The following NAV3 variants were observed in gnomAD, a reference collection of about 807,000 sequenced individuals.
NAV3 encodes pore membrane and/or filament interacting like protein 1.
Under a neutral mutation model 244.7 loss-of-function variants are expected in NAV3, and 87 were observed. The observed-to-expected ratio is 0.36, with a 90% CI of 0.30 to 0.42. The LOEUF is 0.42. Ranked by LOEUF, NAV3 falls within the 20% of genes least tolerant of loss-of-function variation. NAV3 has a pLI of 1.00. For synonymous variants in NAV3, 1,126 were observed against 1,042.2 expected (o/e 1.08, Z -1.55); for missense variants, 2,663 against 2,893.3 (o/e 0.92, Z 1.83).
chr12:77,645,355 A>T (rs1565750844), intron 2 of NAV3, among the ~76,000 whole-genome samples: 2 of 151,874 alleles, frequency 1.3e-5, no homozygotes, highest in Non-Finnish European at 2.9e-5. Context: ...GTTTCAAATT[A>T]TACCTCAGCT....
chr12:77,767,771 T>G (rs1056336379), intron 2 of NAV3, among the ~76,000 whole-genome samples: 4 of 152,174 alleles, frequency 2.6e-5, no homozygotes, highest in Admixed American at 1.3e-4. Flanking sequence ...TAGCCCTGGT[T>G]TGGGGAGCAC....
At chr12:77,647,459 T>C (rs956935968) in intron 2 of NAV3, among the ~76,000 whole-genome samples, 3 of 152,066 alleles carry the variant, frequency 2.0e-5, no homozygotes, top group Non-Finnish European at 4.4e-5. Flanking sequence ...ATGCTTTTTT[T>C]TTGTTTTGTT....
chr12:77,784,173 A>T (rs1410104380), intron 2 of NAV3, among the ~76,000 whole-genome samples: 3 of 152,144 alleles, frequency 2.0e-5, no homozygotes, highest in Non-Finnish European at 2.9e-5. Context: ...CACTCAGTAG[A>T]TGTGATCATG....
upstream of NAV3, among the ~76,000 whole-genome samples, chr12:77,827,645 T>C (rs1456582514): frequency 6.6e-6 from 1 of 152,212 alleles, no homozygotes; most frequent in Admixed American, 6.5e-5. Flanking sequence ...ATATTAGGCT[T>C]CATGACTTTA....
chr12:77,773,602 A>G (rs1372378282), intron 2 of NAV3, among the ~76,000 whole-genome samples: 1 of 152,178 alleles, frequency 6.6e-6, no homozygotes, highest in East Asian at 1.9e-4. Context: ...GAAGATACAT[A>G]GTATATTAGA....
At chr12:77,973,500 A>G (rs1054115841) in intron 5 of NAV3, among the ~76,000 whole-genome samples, 1 of 152,166 alleles carries the variant, frequency 6.6e-6, no homozygotes, top group East Asian at 1.9e-4. Flanking sequence ...CAGGATTCAC[A>G]AGTTAAACTG....
chr12:78,037,857 G>A (rs1378429900), intron 9 of NAV3, among the ~76,000 whole-genome samples: 1 of 152,068 alleles, frequency 6.6e-6, no homozygotes, highest in African/African-American at 2.4e-5. Flanking sequence ...CTGAATAGAA[G>A]GCTTCTTCTA....
chr12:77,658,085 A>G (rs1266962412), intron 2 of NAV3, among the ~76,000 whole-genome samples: 3 of 151,776 alleles, frequency 2.0e-5, no homozygotes, highest in Non-Finnish European at 3.0e-5. Flanking sequence ...CCTATTCAAC[A>G]TAGTGTTGGA....
At chr12:78,157,786 T>A (rs915148242) in intron 22 of NAV3, among the ~76,000 whole-genome samples, 1 of 149,104 alleles carries the variant, frequency 6.7e-6, no homozygotes, top group African/African-American at 2.5e-5. Context: ...TGTGTTTGTG[T>A]GAGAGAGAGA....
chr12:77,877,501 A>G (rs1241728189), intron 1 of NAV3, among the ~76,000 whole-genome samples: 1 of 152,148 alleles, frequency 6.6e-6, no homozygotes, highest in Non-Finnish European at 1.5e-5. Context: ...ACTGGATATA[A>G]AAAAGTAGGT....
chr12:78,204,219 G>C (rs926894739), intron 38 of NAV3, among the ~76,000 whole-genome samples: 21 of 147,134 alleles, frequency 1.4e-4, no homozygotes, highest in Admixed American at 6.0e-4. Context: ...TGGGGCGGAG[G>C]GGGGAGGGAT....
chr12:77,859,551 TG>T (rs1490737870), intron 1 of NAV3, among the ~76,000 whole-genome samples: 1 of 151,144 alleles, frequency 6.6e-6, no homozygotes, highest in Non-Finnish European at 1.5e-5. Context: ...CGCACCAGCA[TG>T]GCACATGTAT....
intron 17 of NAV3, among the ~76,000 whole-genome samples, chr12:78,127,747 G>C (rs1414457931): frequency 6.6e-6 from 1 of 152,068 alleles, no homozygotes; most frequent in Non-Finnish European, 1.5e-5. Context: ...TAATTAAGGT[G>C]TGATTTTTAT....
intron 1 of NAV3, among the ~76,000 whole-genome samples, chr12:77,920,744 A>G (rs1887631433): frequency 6.6e-6 from 1 of 152,064 alleles, no homozygotes; most frequent in Non-Finnish European, 1.5e-5. Flanking sequence ...GTTAACCAGC[A>G]ATGTTTGTTA....
chr12:77,767,070 G>A (rs994768716), intron 2 of NAV3, among the ~76,000 whole-genome samples: 4 of 151,936 alleles, frequency 2.6e-5, no homozygotes, highest in Non-Finnish European at 5.9e-5. Flanking sequence ...TTTTACAAGG[G>A]AAAAATGACT....
At chr12:77,747,100 G>A (rs536561835) in intron 2 of NAV3, among the ~76,000 whole-genome samples, 55 of 152,008 alleles carry the variant, frequency 3.6e-4, no homozygotes, top group Non-Finnish European at 5.0e-4. Context: ...GTACATTTAC[G>A]TAACAATAGA....
chr12:77,586,157 A>ATC (rs1869603064), intron 2 of NAV3, among the ~76,000 whole-genome samples: 1 of 138,046 alleles, frequency 7.2e-6, no homozygotes, highest in African/African-American at 2.8e-5. Flanking sequence ...GCGAGACTCC[A>ATC]TCTCAAAAAA....
At position 77,589,982 on chromosome 12, in the gene NAV3, G is replaced by A. The variant is rs576868179; in HGVS notation, c.72+17716G>A. ...CCATAGGGTTTTTTGAGAACATTAA[G>A]AGAGATAACTTATGTAAGCTTGGAA... On this transcript the variant is annotated intron_variant, in intron 2 of 8. Transcript: ENST00000550042. 3.3e-5 allele frequency among the ~76,000 whole-genome samples: 5 copies of A among 152,322 alleles called. No homozygotes were observed. In the East Asian group the frequency reaches 7.7e-4, roughly 24 times the overall value.
At chr12:77,938,557 A>G (rs1889553888) in intron 1 of NAV3, among the ~76,000 whole-genome samples, 1 of 152,138 alleles carries the variant, frequency 6.6e-6, no homozygotes. Flanking sequence ...TGCCAGTAGG[A>G]CTACTTTGTA....
Sources: gnomAD v4.1 joint callset for allele counts (sites outside exome capture counted in the v4.1 genomes callset) on GRCh38, gnomAD v4.1.1 for gene constraint, MANE v1.5 for transcripts, NCBI Gene and HGNC (gene_info 2026-07-23, HGNC 2026-07-21) for gene names.